Variants in PCDHGA7 observed in about 807,000 individuals in gnomAD.
The protein encoded by PCDHGA7 is protocadherin gamma subfamily A, 7.
PCDHGA7 carries 44 observed loss-of-function variants against 58.3 expected under a neutral mutation model. That is an observed-to-expected ratio of 0.75 (90% CI 0.59 to 0.97). The LOEUF is 0.97. Ranked by LOEUF, PCDHGA7 falls within the 50% of genes least tolerant of loss-of-function variation. The pLI, the probability that PCDHGA7 is intolerant of heterozygous loss-of-function variation, is 0.00. For synonymous variants in PCDHGA7, 516 were observed against 504.2 expected (o/e 1.02, Z -0.31); for missense variants, 1,266 against 1,188.7 (o/e 1.06, Z -0.96).
chr5:141,505,883 T>C (rs1225759976), intron 3 of PCDHGA7, among the ~76,000 whole-genome samples: 1 of 152,118 alleles, frequency 6.6e-6, no homozygotes, highest in East Asian at 1.9e-4. Flanking sequence ...GTTGTAGAGA[T>C]TAAATGAGAT....
chr5:141,387,606 T>C, intron 1 of PCDHGA7: 1 of 549,218 alleles, frequency 1.8e-6, no homozygotes, highest in Non-Finnish European at 3.2e-6. Context: ...GCAGAGGCTG[T>C]AGTTTCCTAG....
In PCDHGA7 at chr5:141,385,618, A is replaced by C. The variant is rs1174442072; in HGVS notation, c.2424+295A>C. 7.5e-6 allele frequency: 8 copies of C among 1,062,366 alleles called. No individual in the cohort carries two copies. The East Asian group carries it at 3.6e-4, about 48-fold the overall frequency. The allele number at this position is 1,062,366 out of a possible 1,614,324, so 65.8% of individuals were successfully genotyped here. A position where few individuals can be genotyped will look rare whatever the true frequency, so the allele number is the denominator to read the frequency against. On this transcript the variant is annotated intron_variant, in intron 1 of 3. Coordinates refer to ENST00000518325, the MANE Select transcript of PCDHGA7 (RefSeq NM_018920.4). ...CTTTCTTAACTCATATATTTTATAC[A>C]TTGGAATGAATCGAGTCTTTCATAT...
intron 1 of PCDHGA7, chr5:141,428,257 G>A: frequency 1.2e-6 from 1 of 865,864 alleles, no homozygotes; most frequent in Non-Finnish European, 1.9e-6. Context: ...AGACTTCAGT[G>A]ACAGTCCTGT....
At chr5:141,413,357 G>A (rs2095629700) in intron 1 of PCDHGA7, 2 of 1,613,874 alleles carry the variant, frequency 1.2e-6, no homozygotes, top group South Asian at 1.1e-5. Flanking sequence ...CTGGCGCCCC[G>A]GGAGCTGGCG....
At position 141,501,332 on chromosome 5, in the gene PCDHGA7, CA is replaced by C. The variant is rs1257793029; in HGVS notation, c.2484-4060del. 1.8e-3 allele frequency among the ~76,000 whole-genome samples: 265 copies of C among 149,784 alleles called. 1 individual carries two copies. The highest frequency in any genetic ancestry group is 5.2e-3 in the African/African-American group (209 of 40,512). On this transcript the variant is annotated intron_variant, in intron 2 of 3. Transcript: ENST00000518325. Reference sequence around the variant, plus strand: ...ACACACACACACACACACACACACACACCCCAAACTCAATAGGGCAAGAACC... The same window carrying C: ...ACACACACACACACACACACACACACCCCCAAACTCAATAGGGCAAGAACC...
intron 3 of PCDHGA7, among the ~76,000 whole-genome samples, chr5:141,506,132 G>T (rs114930087): frequency 1.2e-4 from 18 of 152,310 alleles, no homozygotes; most frequent in African/African-American, 4.3e-4. Context: ...CAGAGCAGGA[G>T]AAGAAGAATA....
intron 1 of PCDHGA7, chr5:141,396,761 A>G (rs2093430785): frequency 6.6e-6 from 1 of 152,352 alleles, no homozygotes; most frequent in African/African-American, 2.4e-5. Context: ...GACCCAATAA[A>G]TGTTTGTTAT....
chr5:141,418,822 A>C (rs780172404), intron 1 of PCDHGA7: 9 of 1,613,988 alleles, frequency 5.6e-6, no homozygotes, highest in Non-Finnish European at 7.6e-6. Flanking sequence ...ACATAGAAGC[A>C]AAAGACCGAG....
chr5:141,382,899 T>A lies in PCDHGA7; in HGVS notation c.-1T>A. On this transcript the variant is annotated 5_prime_UTR_variant, in exon 1 of 4. Transcript: ENST00000518325. ...GCCTAAGCAAGAGAAGCAGGACGAC[T>A]ATGGCGGCTCAGCCGAGGGGCGGGG... 6.5e-7 allele frequency: 1 copy of A among 1,541,826 alleles called. No homozygotes were observed.
At chr5:141,456,971 A>G (rs1031714073) in intron 1 of PCDHGA7, among the ~76,000 whole-genome samples, 1 of 147,384 alleles carries the variant, frequency 6.8e-6, no homozygotes, top group Non-Finnish European at 1.5e-5. Context: ...TCAAAACAAA[A>G]CAAACAAACA....
chr5:141,423,525 G>A (rs1014975146), intron 1 of PCDHGA7: 8 of 1,613,710 alleles, frequency 5.0e-6, no homozygotes, highest in African/African-American at 2.7e-5. Context: ...ACTCGCAGAA[G>A]AGTCACCTGA....
chr5:141,441,018 TG>T (rs1482478700), intron 1 of PCDHGA7: 1 of 152,164 alleles, frequency 6.6e-6, no homozygotes, highest in Non-Finnish European at 1.5e-5. Context: ...GATCAAATAG[TG>T]GAGAAATGAA....
At chr5:141,420,625 T>C (rs1440415745) in intron 1 of PCDHGA7, among the ~76,000 whole-genome samples, 1 of 152,242 alleles carries the variant, frequency 6.6e-6, no homozygotes, top group Non-Finnish European at 1.5e-5. Flanking sequence ...CTTCATTTAC[T>C]CAATAAAGGA....
chr5:141,492,206 G>A (rs1180294159), intron 1 of PCDHGA7, among the ~76,000 whole-genome samples: 2 of 152,204 alleles, frequency 1.3e-5, no homozygotes, highest in Non-Finnish European at 2.9e-5. Context: ...TTAGGTGTGC[G>A]CGCGGGGCTC....
chr5:141,444,325 C>G (rs2098432231), intron 1 of PCDHGA7, among the ~76,000 whole-genome samples: 1 of 151,840 alleles, frequency 6.6e-6, no homozygotes, highest in Non-Finnish European at 1.5e-5. Flanking sequence ...GCATGTGCCA[C>G]CACGCCCAGC....
In PCDHGA7 at chr5:141,410,925, C is replaced by T. The variant is rs576126485; in HGVS notation, c.2424+25602C>T. The T allele has an allele frequency of 2.3e-5, 5 of 217,506 alleles. No individual in the cohort carries two copies. The East Asian group carries it at 5.8e-4, about 25-fold the overall frequency. 13.5% of individuals were successfully genotyped at this position (217,506 alleles called of 1,614,324 possible). Reference sequence around the variant, plus strand: ...CTGGAGTGCAGTGGCGTGATCTCTGCTCACTGCAACCTCCGCCTTCTGGGT... The same window carrying T: ...CTGGAGTGCAGTGGCGTGATCTCTGTTCACTGCAACCTCCGCCTTCTGGGT... On this transcript the variant is annotated intron_variant, in intron 1 of 3. Coordinates refer to ENST00000518325, the MANE Select transcript of PCDHGA7 (RefSeq NM_018920.4).
chr5:141,447,689 AG>A lies in PCDHGA7; in HGVS notation c.2425-47115del, dbSNP rs145694922. ...TTAGAACTGTTCCATATCTTGATAGAGGGATGGGTTATAAGGATGTACACAT... is the reference window on the plus strand; with the variant it reads ...TTAGAACTGTTCCATATCTTGATAGAGGATGGGTTATAAGGATGTACACAT... On this transcript the variant is annotated intron_variant, in intron 1 of 3. Coordinates refer to ENST00000518325, the MANE Select transcript of PCDHGA7 (RefSeq NM_018920.4). Among the ~76,000 whole-genome samples the A allele has an allele frequency of 4.6e-3, 694 of 152,302 alleles. 4 individuals are homozygous for A. The highest frequency in any genetic ancestry group is 0.015 in the African/African-American group (633 of 41,566).
chr5:141,430,110 C>T (rs919470038), intron 1 of PCDHGA7, among the ~76,000 whole-genome samples: 1 of 152,060 alleles, frequency 6.6e-6, no homozygotes, highest in Admixed American at 6.5e-5. Flanking sequence ...CGTTACATGT[C>T]AACAACCTGG....
At chr5:141,462,036 G>T (rs760555655) in intron 1 of PCDHGA7, among the ~76,000 whole-genome samples, 6 of 151,978 alleles carry the variant, frequency 3.9e-5, no homozygotes, top group Non-Finnish European at 8.8e-5. Flanking sequence ...TTGGTCAGGC[G>T]GGTCTTGAAC....
Sources: allele counts gnomAD v4.1 joint callset (sites outside exome capture counted in the v4.1 genomes callset), GRCh38; gene constraint gnomAD v4.1.1; transcripts MANE v1.5; gene names NCBI Gene and HGNC (gene_info 2026-07-23, HGNC 2026-07-21).